The following VPS13B variants were observed in gnomAD, a reference collection of about 807,000 sequenced individuals.
VPS13B encodes vacuolar protein sorting 13 homolog B.
A neutral mutation model predicts 426.4 loss-of-function variants in VPS13B; 285 were observed. The observed-to-expected ratio is 0.67, with a 90% confidence interval of 0.61 to 0.74. The LOEUF is 0.74. Ranked by LOEUF, VPS13B falls within the 30% of genes least tolerant of loss-of-function variation. The pLI, the probability that VPS13B is intolerant of heterozygous loss-of-function variation, is 0.00. For missense variants in VPS13B, 4,537 were observed against 4,782.6 expected (o/e 0.95, Z 1.51); for synonymous variants, 1,676 against 1,676.4 (o/e 1.00, Z 0.01).
intron 40 of VPS13B, 95 bp downstream of exon 40, chr8:99,767,065 A>C: frequency 5.5e-5 from 66 of 1,205,956 alleles, no homozygotes; most frequent in Non-Finnish European, 7.5e-5. Context: ...ACTGTATCTC[A>C]GCTGTCTAGC....
At chr8:99,749,005 G>C (rs1810259378) in intron 39 of VPS13B, among the ~76,000 whole-genome samples, 1 of 151,764 alleles carries the variant, frequency 6.6e-6, no homozygotes, top group Admixed American at 6.6e-5. Context: ...ATACTCAGGA[G>C]TATATAGTTT....
At chr8:99,862,348 A>G (rs1816884256) in intron 58 of VPS13B, among the ~76,000 whole-genome samples, 1 of 152,184 alleles carries the variant, frequency 6.6e-6, no homozygotes, top group African/African-American at 2.4e-5. Context: ...TGTTTGAGAA[A>G]CACTAGAGCA....
rs190403562 is a variant in VPS13B, at chr8:99,559,704, A to G, written c.4949+3051A>G. 1.2e-4 allele frequency among the ~76,000 whole-genome samples: 18 copies of G among 152,314 alleles called. No individual in the cohort carries two copies. In the East Asian group the frequency reaches 2.9e-3, roughly 24 times the overall value. ...CTTGTTTTTGTCAGGTTTGTCAAAGATCAGATGGTTGTAGATACGCGGCAT... is the reference window on the plus strand; with the variant it reads ...CTTGTTTTTGTCAGGTTTGTCAAAGGTCAGATGGTTGTAGATACGCGGCAT... On this transcript the variant is annotated intron_variant, in intron 31 of 61. Coordinates refer to ENST00000357162, the MANE Select transcript of VPS13B (RefSeq NM_152564.5).
intron 19 of VPS13B, among the ~76,000 whole-genome samples, chr8:99,380,243 A>G (rs1278058764): frequency 2.0e-5 from 3 of 152,216 alleles, no homozygotes; most frequent in Non-Finnish European, 2.9e-5. Context: ...TTCTCTTAAT[A>G]TAGTATTTTT....
At position 99,489,678 on chromosome 8, in the gene VPS13B, G is replaced by A. The variant is rs184708541; in HGVS notation, c.3870+7876G>A. 8.2e-3 allele frequency among the ~76,000 whole-genome samples: 1,243 copies of A among 152,240 alleles called. 7 individuals carry two copies. Among genetic ancestry groups the A allele is most frequent in the Non-Finnish European group, 0.012 (846 of 68,010 alleles). ...CTCTTTGAAGCAATTGTGAATGGGA[G>A]TTCACTCATGATTTGGCTCTCTGTT... On this transcript the variant is annotated intron_variant, in intron 25 of 61. Coordinates refer to ENST00000357162, the MANE Select transcript of VPS13B (RefSeq NM_152564.5).
chr8:99,077,930 C>T (rs944064558), intron 3 of VPS13B, among the ~76,000 whole-genome samples: 2 of 151,930 alleles, frequency 1.3e-5, no homozygotes, highest in African/African-American at 4.8e-5. Flanking sequence ...GACTTGTCTT[C>T]AAGTTTAGAA....
At chr8:99,572,106 G>A (rs1247323285) in intron 31 of VPS13B, among the ~76,000 whole-genome samples, 2 of 152,106 alleles carry the variant, frequency 1.3e-5, no homozygotes, top group African/African-American at 2.4e-5. Flanking sequence ...AATAATAAGG[G>A]CATATTTAAA....
At chr8:99,628,526 A>G (rs2133906124) in intron 33 of VPS13B, among the ~76,000 whole-genome samples, 1 of 152,292 alleles carries the variant, frequency 6.6e-6, no homozygotes, top group Middle Eastern at 3.4e-3. Flanking sequence ...AGCACCTAGT[A>G]TGTGCCCAAC....
At chr8:99,173,015 A>G (rs1161729487) in intron 16 of VPS13B, among the ~76,000 whole-genome samples, 1 of 152,134 alleles carries the variant, frequency 6.6e-6, no homozygotes, top group Non-Finnish European at 1.5e-5. Context: ...TGATATAATT[A>G]TTACTTATAT....
chr8:99,752,852 A>C (rs543410035), intron 39 of VPS13B, among the ~76,000 whole-genome samples: 2 of 152,346 alleles, frequency 1.3e-5, no homozygotes, highest in South Asian at 4.1e-4. Flanking sequence ...ACAATCATGT[A>C]ACAAGTTGTC....
At chr8:99,505,413 C>G (rs1187136040) in intron 27 of VPS13B, among the ~76,000 whole-genome samples, 1 of 152,128 alleles carries the variant, frequency 6.6e-6, no homozygotes, top group Non-Finnish European at 1.5e-5. Context: ...TTCACTGGAA[C>G]ACTTAGGGGC....
intron 58 of VPS13B, among the ~76,000 whole-genome samples, chr8:99,865,068 T>C (rs1417411822): frequency 2.0e-5 from 3 of 152,172 alleles, no homozygotes; most frequent in Non-Finnish European, 4.4e-5. Context: ...CTGCCCCAGG[T>C]CAGCAGGGAA....
chr8:99,139,462 G>A (rs1292747150), intron 12 of VPS13B, among the ~76,000 whole-genome samples: 3 of 136,466 alleles, frequency 2.2e-5, no homozygotes, highest in East Asian at 2.2e-4. Context: ...GTTTGAGACC[G>A]AGTCTTCCTC....
At chr8:99,815,879 TG>T (rs1376229277) in intron 44 of VPS13B, among the ~76,000 whole-genome samples, 1 of 152,172 alleles carries the variant, frequency 6.6e-6, no homozygotes, top group East Asian at 1.9e-4. Context: ...TCACCCAGGG[TG>T]GAGTACAGTG....
intron 16 of VPS13B, among the ~76,000 whole-genome samples, chr8:99,173,488 G>A (rs1024896865): frequency 4.6e-5 from 7 of 152,006 alleles, no homozygotes; most frequent in African/African-American, 1.2e-4. Flanking sequence ...CCTGTTCTTC[G>A]TAATACCACA....
At position 99,234,108 on chromosome 8, in the gene VPS13B, C is replaced by T. The variant is rs192553850; in HGVS notation, c.2516-40090C>T. On this transcript the variant is annotated intron_variant, in intron 17 of 61. Coordinates refer to ENST00000357162, the MANE Select transcript of VPS13B (RefSeq NM_152564.5). ...AGCCCCCAGGGCGTGACCTTGCTCC[C>T]GGAAGAGTGGTCCCCACCCTGGGCT... 4,250 of 784,700 alleles carry T rather than the reference C, an allele frequency of 5.4e-3. 15 individuals carry two copies. Among genetic ancestry groups the T allele is most frequent in the Non-Finnish European group, 6.3e-3 (2,678 of 424,896 alleles). The allele number at this position is 784,700 out of a possible 1,614,324, so 48.6% of individuals were successfully genotyped here. A position where few individuals can be genotyped will look rare whatever the true frequency, so the allele number is the denominator to read the frequency against.
chr8:99,465,265 T>G (rs1207117072), intron 23 of VPS13B, among the ~76,000 whole-genome samples: 1 of 152,130 alleles, frequency 6.6e-6, no homozygotes, highest in African/African-American at 2.4e-5. Context: ...GCAGTTAATG[T>G]GTTTTGTGAA....
chr8:99,819,268 C>A, intron 47 of VPS13B, 144 bp from the exon 48 acceptor site: 1 of 939,750 alleles, frequency 1.1e-6, no homozygotes, highest in Non-Finnish European at 1.6e-6. Context: ...GGGCCCAGAT[C>A]ATCCACACAC....
At chr8:99,338,802 TA>T (rs149107691) in intron 19 of VPS13B, among the ~76,000 whole-genome samples, 1 of 152,278 alleles carries the variant, frequency 6.6e-6, no homozygotes, top group East Asian at 1.9e-4. Flanking sequence ...GTTACCATGA[TA>T]AAATTTTAGT....
Sources: gnomAD v4.1 joint callset for allele counts (sites outside exome capture counted in the v4.1 genomes callset) on GRCh38, gnomAD v4.1.1 for gene constraint, MANE v1.5 for transcripts, NCBI Gene and HGNC (gene_info 2026-07-23, HGNC 2026-07-21) for gene names.